The following IMMP2L variants were observed in gnomAD, a reference collection of about 807,000 sequenced individuals.
IMMP2L encodes the protein inner mitochondrial membrane peptidase subunit 2.
A neutral mutation model predicts 19.3 loss-of-function variants in IMMP2L; 18 were observed. That is an observed-to-expected ratio of 0.93 (90% CI 0.64 to 1.38). The LOEUF is 1.38. Ranked by LOEUF, IMMP2L falls within the 40% of genes most tolerant of loss-of-function variation. IMMP2L has a pLI of 0.00. For missense variants in IMMP2L, 233 were observed against 218.2 expected (o/e 1.07, Z -0.43); for synonymous variants, 76 against 73.0 (o/e 1.04, Z -0.21).
intron 3 of IMMP2L, among the ~76,000 whole-genome samples, chr7:111,394,077 T>C (rs1832643914): frequency 6.6e-6 from 1 of 152,176 alleles, no homozygotes; most frequent in African/African-American, 2.4e-5. Flanking sequence ...GATAATATAA[T>C]TTTTAAAATA....
intron 3 of IMMP2L, among the ~76,000 whole-genome samples, chr7:111,319,430 T>C (rs1385369809): frequency 6.6e-6 from 1 of 152,048 alleles, no homozygotes; most frequent in Non-Finnish European, 1.5e-5. Context: ...AAAAAATTCA[T>C]AGTTTAGCAG....
intron 3 of IMMP2L, among the ~76,000 whole-genome samples, chr7:111,174,362 G>A (rs1464840298): frequency 6.6e-6 from 1 of 151,564 alleles, no homozygotes; most frequent in Non-Finnish European, 1.5e-5. Flanking sequence ...TCAAAACCTA[G>A]TCTTCTGACT....
chr7:111,079,054 T>G (rs1157720838), intron 3 of IMMP2L, among the ~76,000 whole-genome samples: 1 of 152,152 alleles, frequency 6.6e-6, no homozygotes, highest in African/African-American at 2.4e-5. Context: ...ATTAATTTAG[T>G]TAAATAACAT....
chr7:110,829,653 A>C (rs117462515), intron 5 of IMMP2L, among the ~76,000 whole-genome samples: 22 of 152,320 alleles, frequency 1.4e-4, no homozygotes, highest in Non-Finnish European at 3.2e-4. Flanking sequence ...CAAAGTACTA[A>C]ATGGCATGAA....
intron 3 of IMMP2L, among the ~76,000 whole-genome samples, chr7:111,325,004 T>C (rs1351582505): frequency 2.0e-5 from 3 of 151,780 alleles, no homozygotes; most frequent in Admixed American, 1.3e-4. Context: ...TGGGATGCCA[T>C]TTCATTAATT....
intron 3 of IMMP2L, among the ~76,000 whole-genome samples, chr7:111,308,899 A>C (rs1563041258): frequency 6.6e-6 from 1 of 152,096 alleles, no homozygotes; most frequent in Admixed American, 6.6e-5. Flanking sequence ...TAAATAAGGA[A>C]AGGGAAAAAA....
chr7:111,310,459 G>A lies in IMMP2L; in HGVS notation c.239+176779C>T, dbSNP rs536942776. On this transcript the variant is annotated intron_variant, in intron 3 of 5. Coordinates refer to ENST00000405709, the MANE Select transcript of IMMP2L (RefSeq NM_032549.4). ...TTATGTTAAAGTTTTGTTTCTGTTG[G>A]TCTTTATTTTTAATTCTGGAAGAGC... 5.3e-5 allele frequency among the ~76,000 whole-genome samples: 8 copies of A among 152,030 alleles called. No homozygotes were observed. In the South Asian group the frequency reaches 1.7e-3, roughly 32 times the overall value.
At chr7:111,226,783 C>T (rs1190232562) in intron 3 of IMMP2L, among the ~76,000 whole-genome samples, 1 of 152,070 alleles carries the variant, frequency 6.6e-6, no homozygotes, top group Non-Finnish European at 1.5e-5. Flanking sequence ...AGGGCATTAT[C>T]AGGTACAGTA....
At chr7:111,125,817 C>CTTTTTTTT (rs1217257175) in intron 3 of IMMP2L, among the ~76,000 whole-genome samples, 8 of 100,170 alleles carry the variant, frequency 8.0e-5, no homozygotes, top group East Asian at 6.1e-4. Context: ...AGGCCGCTTG[C>CTTTTTTTT]TTTTTTTTTT....
intron 3 of IMMP2L, among the ~76,000 whole-genome samples, chr7:111,418,582 C>T (rs1835168439): frequency 6.6e-6 from 1 of 151,870 alleles, no homozygotes; most frequent in Non-Finnish European, 1.5e-5. Context: ...TTAGGTTACA[C>T]TGAGTGCCTT....
intron 3 of IMMP2L, among the ~76,000 whole-genome samples, chr7:111,125,859 G>C (rs1352077971): frequency 8.3e-6 from 1 of 120,228 alleles, no homozygotes; most frequent in South Asian, 2.5e-4. Flanking sequence ...GTCTCCCTCT[G>C]TTGCTCAGGC....
At chr7:110,887,412 T>C (rs570402830) in intron 4 of IMMP2L, among the ~76,000 whole-genome samples, 1 of 152,208 alleles carries the variant, frequency 6.6e-6, no homozygotes, top group Admixed American at 6.5e-5. Flanking sequence ...TGTATAATGG[T>C]ATAATGTTTT....
At chr7:110,718,786 C>T (rs1286723031) in intron 5 of IMMP2L, among the ~76,000 whole-genome samples, 3 of 152,122 alleles carry the variant, frequency 2.0e-5, no homozygotes, top group African/African-American at 7.2e-5. Flanking sequence ...GTGGGAGCCT[C>T]AGATGCAGAT....
intron 3 of IMMP2L, among the ~76,000 whole-genome samples, chr7:111,332,557 T>C (rs1414310490): frequency 6.6e-6 from 1 of 151,750 alleles, no homozygotes; most frequent in East Asian, 1.9e-4. Context: ...ATGCCAGAAG[T>C]CCCAAAAAGA....
At chr7:111,516,358 AAGAGGAG>A (rs1845867477) in intron 2 of IMMP2L, among the ~76,000 whole-genome samples, 1 of 151,740 alleles carries the variant, frequency 6.6e-6, no homozygotes, top group Non-Finnish European at 1.5e-5. Flanking sequence ...GAGGGAGAGG[AAGAGGAG>A]GGGGAGGAGG....
At chr7:110,995,976 A>G (rs1822988090) in intron 3 of IMMP2L, among the ~76,000 whole-genome samples, 1 of 152,180 alleles carries the variant, frequency 6.6e-6, no homozygotes, top group Non-Finnish European at 1.5e-5. Context: ...GCGTGGGGAA[A>G]TACCAATAAA....
At chr7:110,850,646 T>C (rs944216421) in intron 5 of IMMP2L, among the ~76,000 whole-genome samples, 1 of 151,822 alleles carries the variant, frequency 6.6e-6, no homozygotes, top group African/African-American at 2.4e-5. Context: ...AGGGCTCACC[T>C]GTCCTGTAAC....
rs538915083 is a variant in IMMP2L at position 111,471,527 on chromosome 7, C to T, written c.239+15711G>A. 3.9e-5 allele frequency among the ~76,000 whole-genome samples: 6 copies of T among 152,152 alleles called. No individual in the cohort carries two copies. The South Asian group carries it at 8.3e-4, about 21-fold the overall frequency. On this transcript the variant is annotated intron_variant, in intron 3 of 5. Transcript: ENST00000405709. Reference sequence around the variant, plus strand: ...ACTGAGATGTGCCAAATGAAACCAACACCAGATTTTTAAGACCTTATTTCG... The same window carrying T: ...ACTGAGATGTGCCAAATGAAACCAATACCAGATTTTTAAGACCTTATTTCG...
intron 3 of IMMP2L, among the ~76,000 whole-genome samples, chr7:110,980,386 G>A (rs1187610965): frequency 6.6e-5 from 10 of 151,720 alleles, no homozygotes; most frequent in Non-Finnish European, 1.5e-4. Flanking sequence ...CCACCACCAC[G>A]CCTGGCTAAT....
Sources: gnomAD v4.1 joint callset for allele counts (sites outside exome capture counted in the v4.1 genomes callset) on GRCh38, gnomAD v4.1.1 for gene constraint, MANE v1.5 for transcripts, NCBI Gene and HGNC (gene_info 2026-07-23, HGNC 2026-07-21) for gene names.